Variants in THSD7B observed in about 807,000 individuals in gnomAD.
The protein encoded by THSD7B is thrombospondin type-1 domain-containing protein 7B.
Under a neutral mutation model 213.6 loss-of-function variants are expected in THSD7B, and 138 were observed. That is an observed-to-expected ratio of 0.65 (90% CI 0.56 to 0.74). The LOEUF is 0.74. Ranked by LOEUF, THSD7B falls within the 30% of genes least tolerant of loss-of-function variation. The probability of loss-of-function intolerance (pLI) is 0.00; values close to 1 mark genes in which losing one functional copy is unlikely to be tolerated. For synonymous variants in THSD7B, 742 were observed against 687.0 expected, an observed-to-expected ratio of 1.08 and a Z score of -1.25; for missense variants, 1,931 against 1,991.5, an observed-to-expected ratio of 0.97 and a Z score of 0.58.
At chr2:137,403,298 A>G (rs1686418370) in intron 12 of THSD7B, among the ~76,000 whole-genome samples, 2 of 152,208 alleles carry the variant, frequency 1.3e-5, no homozygotes, top group Admixed American at 1.3e-4. Flanking sequence ...AAATAAAAAA[A>G]GATAGATTTA....
intron 15 of THSD7B, among the ~76,000 whole-genome samples, chr2:137,453,483 C>G (rs1410542718): frequency 6.6e-6 from 1 of 151,720 alleles, no homozygotes; most frequent in Non-Finnish European, 1.5e-5. Flanking sequence ...GCTTCTGCCA[C>G]CACGCCCGGC....
At chr2:137,266,752 C>T (rs1192320595) in intron 10 of THSD7B, among the ~76,000 whole-genome samples, 1 of 152,164 alleles carries the variant, frequency 6.6e-6, no homozygotes, top group South Asian at 2.1e-4. Flanking sequence ...TCTAGCAGTG[C>T]CCCCAATTTC....
chr2:137,475,638 A>G (rs1011594288), intron 15 of THSD7B, among the ~76,000 whole-genome samples: 76 of 152,248 alleles, frequency 5.0e-4, no homozygotes, highest in African/African-American at 1.7e-3. Flanking sequence ...AGTTCCATAG[A>G]TGTTGCTTCA....
chr2:137,375,966 G>T (rs2104956935), intron 12 of THSD7B, among the ~76,000 whole-genome samples: 1 of 152,284 alleles, frequency 6.6e-6, no homozygotes, highest in Middle Eastern at 3.4e-3. Context: ...AAAAAGGAAA[G>T]TTCCTTAGAA....
intron 5 of THSD7B, among the ~76,000 whole-genome samples, chr2:137,130,910 G>A (rs2104953301): frequency 6.6e-6 from 1 of 151,200 alleles, no homozygotes; most frequent in Non-Finnish European, 1.5e-5. Context: ...GGGATGGCTG[G>A]GTCAAATGGT....
chr2:136,824,997 T>C (rs922287723), intron 1 of THSD7B, among the ~76,000 whole-genome samples: 7 of 152,210 alleles, frequency 4.6e-5, no homozygotes, highest in Non-Finnish European at 8.8e-5. Context: ...TGTTAAGATA[T>C]ATTAGGTTTC....
At chr2:137,673,059 T>C (rs1683613842) in intron 27 of THSD7B, among the ~76,000 whole-genome samples, 1 of 152,208 alleles carries the variant, frequency 6.6e-6, no homozygotes, top group African/African-American at 2.4e-5. Flanking sequence ...TACTTGCACC[T>C]CCAAAGGCTT....
intron 2 of THSD7B, among the ~76,000 whole-genome samples, chr2:136,990,488 G>C (rs948943357): frequency 1.3e-5 from 2 of 152,128 alleles, no homozygotes; most frequent in African/African-American, 2.4e-5. Flanking sequence ...GTAGGGGGGG[G>C]ACCATGCCAG....
At chr2:136,998,807 T>C (rs574745135) in intron 2 of THSD7B, among the ~76,000 whole-genome samples, 3 of 152,122 alleles carry the variant, frequency 2.0e-5, no homozygotes, top group Non-Finnish European at 4.4e-5. Flanking sequence ...GGCAGAAACA[T>C]AAGTTTGAGA....
At chr2:137,660,397 CTTAT>C (rs1307052776) in intron 25 of THSD7B, among the ~76,000 whole-genome samples, 1 of 152,050 alleles carries the variant, frequency 6.6e-6, no homozygotes, top group African/African-American at 2.4e-5. Context: ...CAAGCTTTTT[CTTAT>C]AGTATGCCTA....
chr2:137,011,189 A>G (rs894500079), intron 2 of THSD7B, among the ~76,000 whole-genome samples: 5 of 152,188 alleles, frequency 3.3e-5, no homozygotes, highest in African/African-American at 9.7e-5. Context: ...TGACAATGCA[A>G]TGGATCAAAC....
chr2:136,820,117 C>T (rs549742790), intron 1 of THSD7B, among the ~76,000 whole-genome samples: 2 of 152,244 alleles, frequency 1.3e-5, no homozygotes, highest in South Asian at 4.2e-4. Flanking sequence ...TATTTGTTTA[C>T]GGCCAGTATT....
At position 137,115,237 on chromosome 2, in the gene THSD7B, G is replaced by A. The variant is rs1230279281; in HGVS notation, c.1313G>A (p.Arg438Gln). 8.7e-6 allele frequency: 14 copies of A among 1,613,042 alleles called. No individual in the cohort carries two copies. The highest frequency in any genetic ancestry group is 8.3e-5 in the Admixed American group (5 of 59,926). The change falls in exon 5 of 28, where the codon CGG becomes CAG. Residue 438 changes from arginine to glutamine, a missense_variant. Coordinates refer to ENST00000409968, the MANE Select transcript of THSD7B (RefSeq NM_001316349.2). ...GPVCGGGIQT[R>Q]EVYCAQSVPA... is the part of the protein sequence containing the mutation. ...GTGTGTGGCGGTGGGATCCAGACCC[G>A]GGAGGTGTACTGTGCCCAGAGCGTA...
intron 20 of THSD7B, among the ~76,000 whole-genome samples, chr2:137,622,077 C>A (rs942692207): frequency 6.6e-6 from 1 of 152,150 alleles, no homozygotes. Context: ...GGGGGATCAG[C>A]ACTTATGACC....
intron 15 of THSD7B, among the ~76,000 whole-genome samples, chr2:137,475,979 T>C (rs1688183308): frequency 6.6e-6 from 1 of 152,126 alleles, no homozygotes; most frequent in Non-Finnish European, 1.5e-5. Flanking sequence ...CAAGCATCTA[T>C]TGTTTTTTCT....
chr2:137,183,025 A>T (rs763351355), intron 7 of THSD7B, among the ~76,000 whole-genome samples: 30 of 152,118 alleles, frequency 2.0e-4, no homozygotes, highest in Non-Finnish European at 3.8e-4. Flanking sequence ...GTGTAAAAAA[A>T]CTTACTTAAA....
At chr2:137,067,071 A>G (rs1025385643) in intron 3 of THSD7B, among the ~76,000 whole-genome samples, 1 of 152,112 alleles carries the variant, frequency 6.6e-6, no homozygotes, top group Non-Finnish European at 1.5e-5. Flanking sequence ...ACTGCTTACA[A>G]TACCCATTTG....
At chr2:137,057,295 C>A in intron 3 of THSD7B, 65 bp downstream of exon 3, 1 of 1,372,750 alleles carries the variant, frequency 7.3e-7, no homozygotes, top group Non-Finnish European at 9.8e-7. Flanking sequence ...CTTTATAAAG[C>A]TTCTTTATGA....
At chr2:137,592,125 C>A (rs995737449) in intron 17 of THSD7B, among the ~76,000 whole-genome samples, 1 of 151,678 alleles carries the variant, frequency 6.6e-6, no homozygotes, top group Admixed American at 6.6e-5. Context: ...TTTTTCTGTG[C>A]ACTTGAGTAA....
Sources: allele counts gnomAD v4.1 joint callset (sites outside exome capture counted in the v4.1 genomes callset), GRCh38; gene constraint gnomAD v4.1.1; transcripts MANE v1.5; gene names NCBI Gene and HGNC (gene_info 2026-07-23, HGNC 2026-07-21).